The following CLSTN2 variants were observed in gnomAD, a reference collection of about 807,000 sequenced individuals.
CLSTN2 encodes the protein calsyntenin-2.
A neutral mutation model predicts 101.2 loss-of-function variants in CLSTN2; 48 were observed. The ratio of observed to expected loss-of-function variants is 0.47; its 90% CI spans 0.38 to 0.60. The LOEUF is 0.60. CLSTN2 is among the 20% of genes least tolerant of loss of function. The pLI is 0.00. For synonymous variants in CLSTN2, 481 were observed against 463.6 expected (o/e 1.04, Z -0.48); for missense variants, 1,160 against 1,238.2 (o/e 0.94, Z 0.95).
chr3:140,259,200 C>A (rs1008275464), intron 2 of CLSTN2, among the ~76,000 whole-genome samples: 1 of 149,106 alleles, frequency 6.7e-6, no homozygotes, highest in Non-Finnish European at 1.5e-5. Flanking sequence ...GGGCTGGGTG[C>A]GGTGGCTCAC....
intron 2 of CLSTN2, among the ~76,000 whole-genome samples, chr3:140,381,239 G>T (rs1414287138): frequency 6.6e-6 from 1 of 152,180 alleles, no homozygotes; most frequent in African/African-American, 2.4e-5. Flanking sequence ...GTCTGTCTCT[G>T]TGTCCAAATT....
chr3:140,546,809 T>C, intron 10 of CLSTN2, 128 bp downstream of exon 10: 1 of 850,874 alleles, frequency 1.2e-6, no homozygotes, highest in Non-Finnish European at 1.8e-6. Flanking sequence ...AAGGCAAAGG[T>C]GCAGCCACGA....
At chr3:140,185,638 C>T (rs1280461619) in intron 2 of CLSTN2, among the ~76,000 whole-genome samples, 1 of 151,712 alleles carries the variant, frequency 6.6e-6, no homozygotes, top group Non-Finnish European at 1.5e-5. Flanking sequence ...GTGCAATTGG[C>T]TTCCTGTTTG....
At chr3:140,310,174 C>A (rs182083442) in intron 2 of CLSTN2, among the ~76,000 whole-genome samples, 192 of 152,284 alleles carry the variant, frequency 1.3e-3, no homozygotes, top group African/African-American at 4.3e-3. Context: ...CCCAACTTTT[C>A]TCCCCAATAA....
rs1361096588 is a variant in CLSTN2, at chr3:140,404,440, G to A, written c.429-118G>A. On this transcript the variant is annotated intron_variant, in intron 3 of 16. Coordinates refer to ENST00000458420, the MANE Select transcript of CLSTN2 (RefSeq NM_022131.3). ...GACACTCAGACAACTGCCACAATTG[G>A]CTGATGGTTTCTCCTTTCACTTGGC... 9.7e-6 allele frequency: 8 copies of A among 827,934 alleles called. 1 individual carries two copies. In the Admixed American group the frequency reaches 1.7e-4, roughly 17 times the overall value. The allele number at this position is 827,934 out of a possible 1,614,324, so 51.3% of individuals were successfully genotyped here. A position where few individuals can be genotyped will look rare whatever the true frequency, so the allele number is the denominator to read the frequency against.
intron 1 of CLSTN2, among the ~76,000 whole-genome samples, chr3:140,093,613 A>T (rs2008817416): frequency 6.6e-6 from 1 of 152,122 alleles, no homozygotes; most frequent in Non-Finnish European, 1.5e-5. Context: ...TCACTGTGGC[A>T]GGGTTGGGGA....
At chr3:140,135,117 C>CACACACACACACACAT (rs1488268767) in intron 1 of CLSTN2, among the ~76,000 whole-genome samples, 1 of 58,120 alleles carries the variant, frequency 1.7e-5, no homozygotes, top group African/African-American at 8.6e-5. Flanking sequence ...CACACACACA[C>CACACACACACACACAT]ATATATATAT....
intron 2 of CLSTN2, among the ~76,000 whole-genome samples, chr3:140,367,269 C>T (rs889931710): frequency 2.0e-5 from 3 of 152,048 alleles, no homozygotes; most frequent in Non-Finnish European, 4.4e-5. Flanking sequence ...AATCCCAGCA[C>T]TTTTGGAGGC....
chr3:140,341,430 G>A (rs904652313), intron 2 of CLSTN2, among the ~76,000 whole-genome samples: 10 of 152,164 alleles, frequency 6.6e-5, no homozygotes, highest in African/African-American at 1.2e-4. Flanking sequence ...CAATAGTGTC[G>A]ATGGTGTCAG....
chr3:140,255,239 T>C (rs550009482), intron 2 of CLSTN2, among the ~76,000 whole-genome samples: 1 of 152,330 alleles, frequency 6.6e-6, no homozygotes, highest in East Asian at 1.9e-4. Flanking sequence ...GAAAGCAGTT[T>C]GGAGATTTCT....
chr3:140,170,371 T>G (rs2010193247), intron 1 of CLSTN2, among the ~76,000 whole-genome samples: 2 of 152,198 alleles, frequency 1.3e-5, no homozygotes, highest in African/African-American at 2.4e-5. Context: ...TGAATCAATC[T>G]TGACAAAGCA....
chr3:140,489,669 T>G (rs921889774), intron 8 of CLSTN2, among the ~76,000 whole-genome samples: 4 of 152,008 alleles, frequency 2.6e-5, no homozygotes, highest in Non-Finnish European at 4.4e-5. Context: ...ATCAACCCTG[T>G]GTTGGCTCTA....
At chr3:140,499,955 T>G (rs1934543689) in intron 8 of CLSTN2, among the ~76,000 whole-genome samples, 1 of 151,942 alleles carries the variant, frequency 6.6e-6, no homozygotes, top group African/African-American at 2.4e-5. Flanking sequence ...TAGTCCCAGC[T>G]ACTCAGAAGG....
chr3:140,160,419 CT>C (rs2010026858), intron 1 of CLSTN2, among the ~76,000 whole-genome samples: 1 of 151,968 alleles, frequency 6.6e-6, no homozygotes. Context: ...AATTTATGTG[CT>C]TTTTGCATAT....
chr3:140,049,277 T>C (rs1463353349), intron 1 of CLSTN2, among the ~76,000 whole-genome samples: 3 of 149,702 alleles, frequency 2.0e-5, no homozygotes, highest in Non-Finnish European at 3.0e-5. Context: ...AAGGAAATCC[T>C]GAAATTTAAC....
At chr3:140,133,997 C>T (rs1417432939) in intron 1 of CLSTN2, among the ~76,000 whole-genome samples, 2 of 152,172 alleles carry the variant, frequency 1.3e-5, no homozygotes, top group South Asian at 2.1e-4. Context: ...GCAATAGTCA[C>T]ATCTGGCTGC....
intron 2 of CLSTN2, among the ~76,000 whole-genome samples, chr3:140,343,075 G>A (rs762816688): frequency 5.1e-4 from 78 of 152,118 alleles, no homozygotes; most frequent in Non-Finnish European, 1.1e-3. Context: ...ACGTTTTTGT[G>A]GCCATCTTCT....
chr3:140,348,741 T>C (rs2087576425), intron 2 of CLSTN2, among the ~76,000 whole-genome samples: 1 of 152,216 alleles, frequency 6.6e-6, no homozygotes, highest in Non-Finnish European at 1.5e-5. Context: ...CTGCCTAATA[T>C]GTGAGGCCAG....
At chr3:140,091,611 G>T (rs2107785819) in intron 1 of CLSTN2, among the ~76,000 whole-genome samples, 1 of 152,300 alleles carries the variant, frequency 6.6e-6, no homozygotes, top group East Asian at 1.9e-4. Context: ...AAATTACTCA[G>T]GAAATGAAAA....
Sources: gnomAD v4.1 joint callset for allele counts (sites outside exome capture counted in the v4.1 genomes callset) on GRCh38, gnomAD v4.1.1 for gene constraint, MANE v1.5 for transcripts, NCBI Gene and HGNC (gene_info 2026-07-23, HGNC 2026-07-21) for gene names.